EPM2A: variants seen among roughly 807,000 people sequenced by gnomAD.
EPM2A encodes laforin.
In EPM2A, 21 loss-of-function variants were observed where a neutral mutation model predicts 26.5. The observed-to-expected ratio is 0.79, with a 90% CI of 0.56 to 1.14. EPM2A has a LOEUF of 1.14. Among genes scored for constraint, EPM2A ranks in the 50% most tolerant of loss-of-function variants. The pLI is 0.00. For missense variants in EPM2A, 458 were observed against 440.8 expected (o/e 1.04, Z -0.35); for synonymous variants, 217 against 177.6 (o/e 1.22, Z -1.76).
At position 145,411,935 on chromosome 6, in the gene EPM2A, T is replaced by C. The variant is rs912056817; in HGVS notation, c.556-27838A>G. 2.6e-5 allele frequency among the ~76,000 whole-genome samples: 4 copies of C among 152,160 alleles called. No individual in the cohort carries two copies. The East Asian group carries it at 7.7e-4, about 29-fold the overall frequency. On this transcript the variant is annotated intron_variant, in intron 4 of 4. Transcript: ENST00000638717. Reference sequence around the variant, plus strand: ...AGACTTGACTTGATAAAGAATTTCATCTGACTGGGTGTGGTGGCTCAAGCC... The same window carrying C: ...AGACTTGACTTGATAAAGAATTTCACCTGACTGGGTGTGGTGGCTCAAGCC...
intron 4 of EPM2A, chr6:145,489,905 C>A (rs1779732461): frequency 7.4e-7 from 1 of 1,354,014 alleles, no homozygotes; most frequent in Non-Finnish European, 1.1e-6. Context: ...GTACCTTCTT[C>A]AGTCTGAATT....
rs545208769 is a variant in EPM2A, at chr6:145,463,898, G to A, written c.555+38624C>T. ...CCCCACCCAAATCTCATCTCGAAGTGTAATACAAATTATAATCCCCACCTG... is the reference window on the plus strand; with the variant it reads ...CCCCACCCAAATCTCATCTCGAAGTATAATACAAATTATAATCCCCACCTG... On this transcript the variant is annotated intron_variant, in intron 4 of 4. Transcript: ENST00000638717. 6.2e-4 allele frequency among the ~76,000 whole-genome samples: 94 copies of A among 152,244 alleles called. 1 individual carries two copies. Among genetic ancestry groups the A allele is most frequent in the African/African-American group, 2.0e-3 (85 of 41,552 alleles).
intron 4 of EPM2A, chr6:145,492,114 C>T (rs931027983): frequency 3.7e-5 from 9 of 245,150 alleles, no homozygotes; most frequent in Admixed American, 1.1e-4. Context: ...TGCCCTAGTT[C>T]ATGGTCTGTC....
intron 2 of EPM2A, among the ~76,000 whole-genome samples, chr6:145,603,802 C>T (rs1259641918): frequency 6.6e-6 from 1 of 152,088 alleles, no homozygotes; most frequent in South Asian, 2.1e-4. Context: ...CTGATCTATG[C>T]CATTAACTGG....
rs528730308 is a variant in EPM2A at position 145,542,960 on chromosome 6, T to G, written c.341-40385A>C. 5.9e-5 allele frequency among the ~76,000 whole-genome samples: 9 copies of G among 152,306 alleles called. No homozygotes were observed. The South Asian group carries it at 1.9e-3, about 32-fold the overall frequency. On this transcript the variant is annotated intron_variant, in intron 2 of 3. Coordinates refer to the EPM2A transcript ENST00000450221. ...TTTTAGTAGAGACGGGGTTTCTCCA[T>G]GTTGGTCAGGTGGGTCTCGAAATCT...
At chr6:145,487,637 T>A (rs1582792994) in intron 4 of EPM2A, among the ~76,000 whole-genome samples, 1 of 152,332 alleles carries the variant, frequency 6.6e-6, no homozygotes, top group East Asian at 1.9e-4. Context: ...CGCATGTATG[T>A]CTTCTTTTGA....
intron 4 of EPM2A, among the ~76,000 whole-genome samples, chr6:145,458,319 C>T (rs1046975726): frequency 3.3e-5 from 4 of 120,750 alleles, no homozygotes; most frequent in South Asian, 5.3e-4. Context: ...GAAGGCCGAA[C>T]GCTATTTTGT....
At chr6:145,485,889 T>C (rs1779665050) in intron 4 of EPM2A, among the ~76,000 whole-genome samples, 1 of 152,214 alleles carries the variant, frequency 6.6e-6, no homozygotes. Flanking sequence ...ATTCCCCTTA[T>C]AAAACCATCA....
intron 1 of EPM2A, among the ~76,000 whole-genome samples, chr6:145,694,401 A>C (rs1382556787): frequency 6.6e-6 from 1 of 151,958 alleles, no homozygotes; most frequent in African/African-American, 2.4e-5. Context: ...ACGCACAAAA[A>C]ATCTTTTTGT....
At chr6:145,533,232 C>T (rs1013642776) in intron 2 of EPM2A, among the ~76,000 whole-genome samples, 1 of 152,122 alleles carries the variant, frequency 6.6e-6, no homozygotes, top group Non-Finnish European at 1.5e-5. Flanking sequence ...ATCATCAAAT[C>T]CTGTTGACTC....
chr6:145,580,481 G>T (rs1385312959), intron 2 of EPM2A, among the ~76,000 whole-genome samples: 1 of 151,970 alleles, frequency 6.6e-6, no homozygotes. Context: ...TCATATAAAA[G>T]CAAGTTATAT....
At chr6:145,496,728 A>ATGTTTTTTTGTTTTTTT (rs779194973), downstream of EPM2A, among the ~76,000 whole-genome samples, 9 of 106,902 alleles carry the variant, frequency 8.4e-5, no homozygotes, top group Non-Finnish European at 9.8e-5. Context: ...AGTTCCTGCA[A>ATGTTTTTTTGTTTTTTT]TTTTTTTTTT....
intron 3 of EPM2A, chr6:145,631,228 C>G (rs1776228479): frequency 6.6e-6 from 1 of 151,830 alleles, no homozygotes; most frequent in Non-Finnish European, 1.5e-5. Flanking sequence ...AAAGAGGGTC[C>G]CCAGGAAGGT....
chr6:145,399,876 C>G (rs1312582027), intron 4 of EPM2A, among the ~76,000 whole-genome samples: 5 of 152,160 alleles, frequency 3.3e-5, no homozygotes, highest in African/African-American at 1.2e-4. Context: ...AGGAATCTGG[C>G]TTCAATCCAT....
intron 2 of EPM2A, among the ~76,000 whole-genome samples, chr6:145,643,925 T>G (rs187354823): frequency 2.8e-4 from 42 of 152,204 alleles, no homozygotes; most frequent in Admixed American, 1.0e-3. Context: ...TGGAGATGAG[T>G]CATCTGGAGA....
At chr6:145,533,108 A>G (rs1453195636) in intron 2 of EPM2A, among the ~76,000 whole-genome samples, 15 of 152,142 alleles carry the variant, frequency 9.9e-5, no homozygotes, top group Admixed American at 9.8e-4. Context: ...CTCCCCCAAC[A>G]AAACAAAACA....
At chr6:145,538,506 C>T (rs1209527330) in intron 2 of EPM2A, among the ~76,000 whole-genome samples, 1 of 152,324 alleles carries the variant, frequency 6.6e-6, no homozygotes, top group African/African-American at 2.4e-5. Flanking sequence ...TTATCAATGA[C>T]AAAGCTTGAA....
intron 2 of EPM2A, among the ~76,000 whole-genome samples, chr6:145,657,355 C>T (rs1250333746): frequency 6.6e-6 from 1 of 152,044 alleles, no homozygotes; most frequent in Non-Finnish European, 1.5e-5. Context: ...ACCAAATGTG[C>T]TGGGATTACA....
At chr6:145,452,603 C>T (rs1211238125) in intron 4 of EPM2A, among the ~76,000 whole-genome samples, 1 of 145,096 alleles carries the variant, frequency 6.9e-6, no homozygotes, top group African/African-American at 2.6e-5. Context: ...ACCCAGGAGA[C>T]GGAGCTTGCA....
Sources: gnomAD v4.1 joint callset for allele counts (sites outside exome capture counted in the v4.1 genomes callset) on GRCh38, gnomAD v4.1.1 for gene constraint, MANE v1.5 for transcripts, NCBI Gene and HGNC (gene_info 2026-07-23, HGNC 2026-07-21) for gene names.